GTF2F2: variants seen among roughly 807,000 people sequenced by gnomAD.
The protein encoded by GTF2F2 is ATP-dependent helicase GTF2F2.
In GTF2F2, 23 loss-of-function variants were observed where a neutral mutation model predicts 42.2. The ratio of observed to expected loss-of-function variants is 0.55; its 90% CI spans 0.39 to 0.77. The LOEUF is 0.77. Among genes scored for constraint, GTF2F2 ranks in the 30% least tolerant of loss-of-function variants. The pLI is 0.00. For missense variants in GTF2F2, 261 were observed against 287.2 expected, an observed-to-expected ratio of 0.91 and a Z score of 0.66; for synonymous variants, 105 against 100.8, an observed-to-expected ratio of 1.04 and a Z score of -0.25.
chr13:45,205,519 TTTTA>T (rs1019480039), intron 4 of GTF2F2, among the ~76,000 whole-genome samples: 2 of 152,288 alleles, frequency 1.3e-5, no homozygotes, highest in African/African-American at 4.8e-5. Flanking sequence ...TCTAGATTTA[TTTTA>T]TTTATTTAGT....
intron 2 of GTF2F2, among the ~76,000 whole-genome samples, chr13:45,144,133 T>C (rs1870069343): frequency 6.6e-6 from 1 of 151,926 alleles, no homozygotes; most frequent in South Asian, 2.1e-4. Flanking sequence ...GTGGCTATAA[T>C]CCCAGCTCCT....
chr13:45,179,313 T>C (rs1273778223), intron 4 of GTF2F2, among the ~76,000 whole-genome samples: 1 of 152,172 alleles, frequency 6.6e-6, no homozygotes, highest in Non-Finnish European at 1.5e-5. Flanking sequence ...TGATGGGGTA[T>C]CCAGGGATTG....
At chr13:45,259,667 T>C (rs1346971006) in intron 6 of GTF2F2, among the ~76,000 whole-genome samples, 1 of 134,306 alleles carries the variant, frequency 7.4e-6, no homozygotes, top group African/African-American at 2.8e-5. Context: ...TTTTTTTTTT[T>C]TTTTTTGTGA....
intron 2 of GTF2F2, 58 bp downstream of exon 2, chr13:45,136,864 T>A (rs1310705427): frequency 3.2e-6 from 3 of 924,330 alleles, no homozygotes; most frequent in Non-Finnish European, 5.3e-6. Context: ...TTTTTATAAG[T>A]GCTTTTAAAA....
chr13:45,268,938 G>C (rs1419712874), intron 7 of GTF2F2, among the ~76,000 whole-genome samples: 2 of 152,110 alleles, frequency 1.3e-5, no homozygotes, highest in Non-Finnish European at 2.9e-5. Flanking sequence ...AGTACTCAGT[G>C]AATCTCTTAC....
rs1027571101 is a variant in GTF2F2 at position 45,154,304 on chromosome 13, ATTTG to A, written c.304+2476_304+2479del. Among the ~76,000 whole-genome samples, 42 of 152,362 alleles carry A rather than the reference ATTTG, an allele frequency of 2.8e-4. 1 individual carries two copies. The highest frequency in any genetic ancestry group is 2.2e-3 in the Admixed American group (33 of 15,310). On this transcript the variant is annotated intron_variant, in intron 4 of 7. Transcript: ENST00000340473. ...AAAGACAGCAATTTAGAAAGCTAAC[ATTTG>A]TTAGCCTCAAAATTAGTCTTCCATT...
intron 4 of GTF2F2, among the ~76,000 whole-genome samples, chr13:45,200,299 C>G (rs1472642150): frequency 1.3e-5 from 2 of 151,960 alleles, no homozygotes; most frequent in Non-Finnish European, 2.9e-5. Flanking sequence ...TAAAATTAGG[C>G]AAATTATTTT....
intron 1 of GTF2F2, among the ~76,000 whole-genome samples, chr13:45,136,314 C>T (rs1269298551): frequency 6.6e-6 from 1 of 152,200 alleles, no homozygotes. Context: ...TCACAGTAGT[C>T]AAAGTTACAA....
intron 5 of GTF2F2, among the ~76,000 whole-genome samples, chr13:45,229,309 C>T (rs1197382658): frequency 6.6e-6 from 1 of 152,012 alleles, no homozygotes. Context: ...TTCCCCCCAC[C>T]TCCCACCACC....
intron 4 of GTF2F2, among the ~76,000 whole-genome samples, chr13:45,164,008 G>A (rs1312224365): frequency 6.6e-6 from 1 of 152,138 alleles, no homozygotes; most frequent in African/African-American, 2.4e-5. Flanking sequence ...ACAAAAATTA[G>A]CCAAGTGTGG....
At chr13:45,269,822 G>A (rs1876715575) in intron 7 of GTF2F2, among the ~76,000 whole-genome samples, 1 of 151,956 alleles carries the variant, frequency 6.6e-6, no homozygotes, top group African/African-American at 2.4e-5. Flanking sequence ...TTATTTTGGG[G>A]GTGGGGTGTT....
intron 4 of GTF2F2, among the ~76,000 whole-genome samples, chr13:45,172,057 A>C (rs1412111558): frequency 6.6e-6 from 1 of 152,082 alleles, no homozygotes. Flanking sequence ...TGCTGCTATG[A>C]ATATTTGTGT....
intron 5 of GTF2F2, among the ~76,000 whole-genome samples, chr13:45,233,989 G>C (rs1396255516): frequency 6.6e-6 from 1 of 152,170 alleles, no homozygotes; most frequent in South Asian, 2.1e-4. Flanking sequence ...TCCTACTGGT[G>C]AATCAACCTC....
intron 5 of GTF2F2, among the ~76,000 whole-genome samples, chr13:45,238,466 G>T (rs981647540): frequency 6.6e-6 from 1 of 152,156 alleles, no homozygotes; most frequent in East Asian, 1.9e-4. Flanking sequence ...TGATTAACAG[G>T]AAAAGCATTA....
chr13:45,196,681 G>A (rs559535303), intron 4 of GTF2F2, among the ~76,000 whole-genome samples: 15 of 152,324 alleles, frequency 9.8e-5, no homozygotes, highest in Admixed American at 6.5e-4. Context: ...GACTGTGCTA[G>A]CATGTTCTTG....
intron 1 of GTF2F2, among the ~76,000 whole-genome samples, chr13:45,127,199 C>A (rs1289977223): frequency 6.6e-6 from 1 of 152,074 alleles, no homozygotes; most frequent in Non-Finnish European, 1.5e-5. Context: ...ATTTTAGGAA[C>A]CTTTGAATTA....
intron 4 of GTF2F2, among the ~76,000 whole-genome samples, chr13:45,165,529 A>G (rs888493184): frequency 6.6e-6 from 1 of 151,198 alleles, no homozygotes. Context: ...AGGATTTTTC[A>G]TCAGGAAAGA....
rs544951894 is a variant in GTF2F2 at position 45,271,020 on chromosome 13, C to T, written c.630+3644C>T. On this transcript the variant is annotated intron_variant, in intron 7 of 7. Coordinates refer to ENST00000340473, the MANE Select transcript of GTF2F2 (RefSeq NM_004128.3). ...AAACTAGTCCCTGATTGGCCGGGCGCGGTGGCTCATGCCTGTAATCCCAGC... is the reference window on the plus strand; with the variant it reads ...AAACTAGTCCCTGATTGGCCGGGCGTGGTGGCTCATGCCTGTAATCCCAGC... Among the ~76,000 whole-genome samples the T allele has an allele frequency of 2.6e-5, 4 of 152,136 alleles. No individual in the cohort carries two copies. The East Asian group carries it at 5.8e-4, about 22-fold the overall frequency.
intron 1 of GTF2F2, among the ~76,000 whole-genome samples, chr13:45,121,379 C>T (rs1868624362): frequency 6.6e-6 from 1 of 152,148 alleles, no homozygotes; most frequent in Non-Finnish European, 1.5e-5. Context: ...AGTGTTTTCT[C>T]CTAGGGGAGT....
Sources: gnomAD v4.1 joint callset for allele counts (sites outside exome capture counted in the v4.1 genomes callset) on GRCh38, gnomAD v4.1.1 for gene constraint, MANE v1.5 for transcripts, NCBI Gene and HGNC (gene_info 2026-07-23, HGNC 2026-07-21) for gene names.